Variants in HMCN1 observed in about 807,000 individuals in gnomAD.
HMCN1 encodes the protein hemicentin-1.
Under a neutral mutation model 625.9 loss-of-function variants are expected in HMCN1, and 321 were observed. The ratio of observed to expected loss-of-function variants is 0.51; its 90% confidence interval spans 0.47 to 0.56. The LOEUF is 0.56. Among genes scored for constraint, HMCN1 ranks in the 20% least tolerant of loss-of-function variants. The pLI is 0.00. For synonymous variants in HMCN1, 2,425 were observed against 2,417.6 expected (o/e 1.00, Z -0.09); for missense variants, 6,588 against 6,887.3 (o/e 0.96, Z 1.54).
chr1:185,757,966 C>A (rs1486376125), intron 1 of HMCN1, among the ~76,000 whole-genome samples: 1 of 152,094 alleles, frequency 6.6e-6, no homozygotes, highest in Non-Finnish European at 1.5e-5. Flanking sequence ...GAATTGAAGG[C>A]AAAATGTTCA....
intron 97 of HMCN1, among the ~76,000 whole-genome samples, chr1:186,155,253 C>T (rs546308604): frequency 6.6e-6 from 1 of 152,232 alleles, no homozygotes; most frequent in African/African-American, 2.4e-5. Flanking sequence ...AGTACAAGCA[C>T]ACATTTTTTG....
intron 48 of HMCN1, among the ~76,000 whole-genome samples, chr1:186,064,779 C>T (rs1657997755): frequency 7.5e-6 from 1 of 133,048 alleles, no homozygotes; most frequent in Non-Finnish European, 1.5e-5. Flanking sequence ...CACTGCACTC[C>T]AGCCTGGGTC....
At chr1:186,167,503 G>A (rs1651953725) in intron 100 of HMCN1, among the ~76,000 whole-genome samples, 2 of 152,276 alleles carry the variant, frequency 1.3e-5, no homozygotes, top group South Asian at 4.1e-4. Context: ...TTATCACTCA[G>A]AGTCTAGCTT....
Position 186,016,975 on chromosome 1 carries a change from T to C in HMCN1, c.5204T>C (p.Ile1735Thr), listed in dbSNP as rs1194924256. 6.3e-7 allele frequency: 1 copy of C among 1,595,704 alleles called. No homozygotes were observed. Among genetic ancestry groups the C allele is most frequent in the Non-Finnish European group, 8.6e-7 (1 of 1,163,638 alleles). Residue 1735 changes from isoleucine to threonine, a missense_variant, in exon 33 of 107, where the codon ATA becomes ACA. By Grantham distance (89) the Ile-to-Thr change is moderately conservative. This residue lies in a region of HMCN1 where 4,628 missense variants were observed against 4,853.1 expected (regional missense o/e 0.95). Transcript: ENST00000271588. ...YEVDVLVPPAIEGGDETSYFI... is the reference protein window; with the variant it reads ...YEVDVLVPPATEGGDETSYFI... ...TGTTGTTTTCTAGTGCCACCAGCTA[T>C]AGAAGGAGGAGATGAAACATCTTAC...
chr1:186,174,648 T>C lies in HMCN1; in HGVS notation c.15943+6T>C. On this transcript the variant is annotated splice_donor_region_variant and intron_variant, in intron 103 of 106. Transcript: ENST00000271588. ...AGTTGGAAGACCCTGCATGGGTAAG[T>C]TAATAGGAACTTGTTGAGCAATAAA... 6.2e-7 allele frequency: 1 copy of C among 1,613,910 alleles called. No homozygotes were observed. The highest frequency in any genetic ancestry group is 8.5e-7 in the Non-Finnish European group (1 of 1,179,846).
chr1:186,074,422 A>C (rs953768181), intron 52 of HMCN1, among the ~76,000 whole-genome samples: 1 of 152,004 alleles, frequency 6.6e-6, no homozygotes, highest in Non-Finnish European at 1.5e-5. Flanking sequence ...AGTGAAAAAA[A>C]TTTTTCCAAC....
intron 11 of HMCN1, among the ~76,000 whole-genome samples, chr1:185,949,167 G>A (rs1668509876): frequency 6.6e-6 from 1 of 151,816 alleles, no homozygotes. Flanking sequence ...TTTGGGGATA[G>A]CACCAGGAGA....
chr1:186,007,196 C>A lies in HMCN1; in HGVS notation c.4544C>A (p.Ala1515Glu). Residue 1515 changes from alanine to glutamate, a missense_variant, in exon 30 of 107, where the codon GCA (alanine) becomes GAA (glutamate). Transcript: ENST00000271588. ...DRGQVLHLKN[A>E]RRNDKGRYQC... The stretch of plus-strand genomic sequence containing the variant: ...GGACAAGTCTTACATTTAAAGAATG[C>A]ACGGAGAAATGACAAGGGGCGCTAC... The A allele has an allele frequency of 6.2e-7, 1 of 1,612,844 alleles. No individual in the cohort carries two copies. Among genetic ancestry groups the A allele is most frequent in the Non-Finnish European group, 8.5e-7 (1 of 1,179,004 alleles).
intron 1 of HMCN1, among the ~76,000 whole-genome samples, chr1:185,753,011 T>C (rs1255362931): frequency 6.6e-6 from 1 of 151,976 alleles, no homozygotes; most frequent in Non-Finnish European, 1.5e-5. Context: ...ATCCCAATAA[T>C]AAAAAGATTA....
Position 186,130,489 on chromosome 1 carries a change from T to C in HMCN1, c.13040-18T>C. 6.2e-7 allele frequency: 1 copy of C among 1,608,502 alleles called. No individual in the cohort carries two copies. Among genetic ancestry groups the C allele is most frequent in the Non-Finnish European group, 8.5e-7 (1 of 1,175,132 alleles). On this transcript the variant is annotated intron_variant, in intron 84 of 106. Transcript: ENST00000271588. ...AGCACTTACTTTTACTTTGTACCTG[T>C]CTTATGTTGTTTTCCAGAACCTCCA...
At chr1:186,074,298 C>T (rs1558198217) in intron 52 of HMCN1, among the ~76,000 whole-genome samples, 1 of 151,616 alleles carries the variant, frequency 6.6e-6, no homozygotes, top group African/African-American at 2.4e-5. Flanking sequence ...TCTGAATGAA[C>T]AAAAGTAATT....
Position 186,093,381 on chromosome 1 carries a change from T to C in HMCN1, c.10013-105T>C, listed in dbSNP as rs185577921. 2,240 of 1,581,782 alleles carry C rather than the reference T, an allele frequency of 1.4e-3. 2 individuals carry two copies. The highest frequency in any genetic ancestry group is 1.8e-3 in the Non-Finnish European group (2,094 of 1,152,592). ...AAATTTGATGCCACCACTATTTCCT[T>C]TTGGGCTACAATTTTGAAATGAGAG... On this transcript the variant is annotated intron_variant, in intron 65 of 106. Transcript: ENST00000271588.
At chr1:185,965,565 AATT>A (rs559409086) in intron 13 of HMCN1, among the ~76,000 whole-genome samples, 84 of 152,050 alleles carry the variant, frequency 5.5e-4, no homozygotes, top group African/African-American at 2.0e-3. Flanking sequence ...AGTTTATGAT[AATT>A]ATTTTTTGTT....
At chr1:185,974,377 CT>C (rs1441419650) in intron 15 of HMCN1, among the ~76,000 whole-genome samples, 1 of 152,160 alleles carries the variant, frequency 6.6e-6, no homozygotes, top group African/African-American at 2.4e-5. Context: ...AAGATCATCT[CT>C]TTTAACAACA....
At chr1:185,924,942 A>G in intron 8 of HMCN1, 105 bp from the exon 9 acceptor site, 1 of 991,534 alleles carries the variant, frequency 1.0e-6, no homozygotes, top group Non-Finnish European at 1.5e-6. Flanking sequence ...GATTTACTGG[A>G]ATAATTTAAG....
At chr1:186,024,147 C>T (rs537350606) in intron 36 of HMCN1, among the ~76,000 whole-genome samples, 3 of 152,246 alleles carry the variant, frequency 2.0e-5, no homozygotes, top group East Asian at 1.9e-4. Flanking sequence ...CCATAACATA[C>T]GTAAACCATG....
chr1:186,086,917 A>G (rs1659534833), intron 58 of HMCN1, among the ~76,000 whole-genome samples: 1 of 152,060 alleles, frequency 6.6e-6, no homozygotes, highest in East Asian at 1.9e-4. Flanking sequence ...AACACTTAAT[A>G]TATTTTGACC....
chr1:185,967,523 C>T (rs1294607195), intron 14 of HMCN1, among the ~76,000 whole-genome samples: 1 of 152,064 alleles, frequency 6.6e-6, no homozygotes, highest in Non-Finnish European at 1.5e-5. Flanking sequence ...CTGGGTTCAT[C>T]AATAATAGGC....
chr1:185,974,643 T>A (rs1222293407), intron 15 of HMCN1, among the ~76,000 whole-genome samples: 1 of 152,168 alleles, frequency 6.6e-6, no homozygotes, highest in African/African-American at 2.4e-5. Context: ...TTGGCTACAT[T>A]CAGGAGTAGG....
Sources: gnomAD v4.1 joint callset for allele counts (sites outside exome capture counted in the v4.1 genomes callset) on GRCh38, gnomAD v4.1.1 for gene constraint, gnomAD v4.1.1 regional missense constraint, MANE v1.5 for transcripts, NCBI Gene and HGNC (gene_info 2026-07-23, HGNC 2026-07-21) for gene names.